Variants in TRERF1 observed in about 807,000 individuals in gnomAD.
TRERF1 encodes the protein transcriptional-regulating factor 1.
A neutral mutation model predicts 122.9 loss-of-function variants in TRERF1; 27 were observed. That is an observed-to-expected ratio of 0.22 (90% confidence interval 0.16 to 0.30). The LOEUF is 0.30. TRERF1 is among the 10% of genes least tolerant of loss of function. TRERF1 has a pLI of 1.00. For synonymous variants in TRERF1, 636 were observed against 641.7 expected (o/e 0.99, Z 0.13); for missense variants, 1,248 against 1,560.3 (o/e 0.80, Z 3.37).
At chr6:42,258,373 A>G (rs1344685958) in intron 9 of TRERF1, among the ~76,000 whole-genome samples, 172 bp from the exon 10 acceptor site, 2 of 152,162 alleles carry the variant, frequency 1.3e-5, no homozygotes, top group African/African-American at 4.8e-5. Context: ...GTGCAAAATA[A>G]CTTAGGGTTA....
chr6:42,335,803 C>A (rs558559017), intron 3 of TRERF1, among the ~76,000 whole-genome samples: 1 of 152,222 alleles, frequency 6.6e-6, no homozygotes, highest in African/African-American at 2.4e-5. Context: ...GCTTCCATTG[C>A]GTGCTGACAT....
At chr6:42,290,148 C>T (rs538498674) in intron 4 of TRERF1, among the ~76,000 whole-genome samples, 66 of 152,162 alleles carry the variant, frequency 4.3e-4, no homozygotes, top group Non-Finnish European at 9.0e-4. Flanking sequence ...ATGGGCCCAG[C>T]GCTCAGGGGT....
intron 4 of TRERF1, among the ~76,000 whole-genome samples, chr6:42,291,141 G>A (rs943642536): frequency 1.3e-5 from 2 of 152,328 alleles, no homozygotes; most frequent in Non-Finnish European, 1.5e-5. Context: ...TTGAAAGGAG[G>A]AAATTAACAT....
At chr6:42,280,404 C>T (rs1169829755) in intron 4 of TRERF1, among the ~76,000 whole-genome samples, 1 of 152,184 alleles carries the variant, frequency 6.6e-6, no homozygotes, top group Non-Finnish European at 1.5e-5. Context: ...CATCTCCCAG[C>T]AAGTTCGTGC....
At chr6:42,255,354 T>G (rs1776545356) in intron 12 of TRERF1, among the ~76,000 whole-genome samples, 1 of 151,684 alleles carries the variant, frequency 6.6e-6, no homozygotes, top group Non-Finnish European at 1.5e-5. Context: ...ATAACTGTAC[T>G]ACACACACCA....
At chr6:42,446,583 T>C (rs956871513) in intron 2 of TRERF1, among the ~76,000 whole-genome samples, 1 of 152,224 alleles carries the variant, frequency 6.6e-6, no homozygotes, top group African/African-American at 2.4e-5. Context: ...AGGGAGATGA[T>C]TATGTCTCTT....
chr6:42,316,570 C>T (rs892866002), intron 3 of TRERF1, among the ~76,000 whole-genome samples: 4 of 152,212 alleles, frequency 2.6e-5, no homozygotes, highest in Non-Finnish European at 4.4e-5. Context: ...CTCCATCTTG[C>T]CTCTAGCCTC....
Position 42,263,090 on chromosome 6 carries a change from G to C in TRERF1, c.1884+230C>G, listed in dbSNP as rs372803427. 3.3e-5 allele frequency among the ~76,000 whole-genome samples: 5 copies of C among 152,308 alleles called. No individual in the cohort carries two copies. The East Asian group carries it at 5.8e-4, about 18-fold the overall frequency. On this transcript the variant is annotated intron_variant, in intron 8 of 17. Coordinates refer to ENST00000372922, the Ensembl canonical transcript of TRERF1. This position sits in a 1 kb window ranked among gnomAD's most constrained non-coding sequence, Gnocchi z 5.6. ...TAGGCCATTAGTTTGGCATTTAATG[G>C]GGAGCAGGCAGTGTGAACAAGGGTA...
chr6:42,255,750 T>C (rs1199053413), intron 12 of TRERF1, among the ~76,000 whole-genome samples: 1 of 152,166 alleles, frequency 6.6e-6, no homozygotes, highest in Non-Finnish European at 1.5e-5. Flanking sequence ...CACATTTTCA[T>C]AAAATCAAAA....
chr6:42,254,016 G>A (rs1776291914), intron 13 of TRERF1, among the ~76,000 whole-genome samples: 1 of 152,220 alleles, frequency 6.6e-6, no homozygotes, highest in African/African-American at 2.4e-5. Flanking sequence ...AACAGTTAGT[G>A]CATGGAAATG....
chr6:42,405,044 CT>C (rs1437010583), intron 2 of TRERF1, among the ~76,000 whole-genome samples: 1 of 152,196 alleles, frequency 6.6e-6, no homozygotes, highest in African/African-American at 2.4e-5. Flanking sequence ...GCAACCACCA[CT>C]TACAGCTGTG....
At chr6:42,333,019 C>T (rs1284359487) in intron 3 of TRERF1, among the ~76,000 whole-genome samples, 1 of 152,034 alleles carries the variant, frequency 6.6e-6, no homozygotes, top group Non-Finnish European at 1.5e-5. Flanking sequence ...AATCTTTACC[C>T]GTAAGAAGAG....
intron 4 of TRERF1, among the ~76,000 whole-genome samples, chr6:42,287,172 C>T (rs867403370): frequency 6.1e-4 from 87 of 143,624 alleles, no homozygotes; most frequent in Non-Finnish European, 1.1e-3. Flanking sequence ...GGGATAGCAT[C>T]GGGAGATATA....
chr6:42,313,888 A>G (rs1762075146), intron 3 of TRERF1, among the ~76,000 whole-genome samples: 1 of 152,170 alleles, frequency 6.6e-6, no homozygotes, highest in African/African-American at 2.4e-5. Context: ...TCTGAGAGCC[A>G]TGGTCTTTAT....
intron 2 of TRERF1, among the ~76,000 whole-genome samples, chr6:42,436,800 CAAAAAAA>C (rs775861205): frequency 1.0e-4 from 8 of 77,538 alleles, no homozygotes; most frequent in East Asian, 4.3e-4. Flanking sequence ...TCTCCCTCTA[CAAAAAAA>C]AAAAAAAATA....
chr6:42,335,735 CT>C (rs1766035755), intron 3 of TRERF1, among the ~76,000 whole-genome samples: 1 of 152,224 alleles, frequency 6.6e-6, no homozygotes, highest in Admixed American at 6.5e-5. Flanking sequence ...TGGTCCAACT[CT>C]AGCTCAATCA....
rs1561857253 is a variant in TRERF1 at position 42,263,347 on chromosome 6, C to CGA, written c.1855_1856dup (p.Met620ArgfsTer96). On this transcript the variant is annotated frameshift_variant, in exon 8 of 18. Coordinates refer to ENST00000372922, the Ensembl canonical transcript of TRERF1. LOFTEE classifies it high-confidence loss of function. This position sits in a 1 kb window ranked among gnomAD's most constrained non-coding sequence, Gnocchi z 5.6. ...GCACAGGCATCTCGTCGTCCGACAT[C>CGA]GAGCTGGCTGGCTTGTCTCTGGCGG... 1 of 1,612,846 alleles carries CGA rather than the reference C, an allele frequency of 6.2e-7. No individual in the cohort carries two copies. The highest frequency in any genetic ancestry group is 1.3e-5 in the African/African-American group (1 of 74,928).
intron 3 of TRERF1, among the ~76,000 whole-genome samples, chr6:42,331,841 C>T (rs965828853): frequency 2.0e-5 from 3 of 152,226 alleles, no homozygotes; most frequent in African/African-American, 7.2e-5. Context: ...GGCCCTTCCA[C>T]CCCCAGCCTC....
At chr6:42,410,463 T>A (rs1052553999) in intron 2 of TRERF1, among the ~76,000 whole-genome samples, 1 of 152,196 alleles carries the variant, frequency 6.6e-6, no homozygotes, top group Non-Finnish European at 1.5e-5. Context: ...CACTCATTTT[T>A]TAAAGAGCCC....
Sources: gnomAD v4.1 joint callset for allele counts (sites outside exome capture counted in the v4.1 genomes callset) on GRCh38, gnomAD v4.1.1 for gene constraint, Gnocchi (gnomAD v3.1) non-coding constraint, MANE v1.5 for transcripts, NCBI Gene and HGNC (gene_info 2026-07-23, HGNC 2026-07-21) for gene names.